Variants in FSD1L observed in about 807,000 individuals in gnomAD.
The protein encoded by FSD1L is FSD1-like protein.
In FSD1L, 45 loss-of-function variants were observed where a neutral mutation model predicts 71.6. The ratio of observed to expected loss-of-function variants is 0.63; its 90% confidence interval spans 0.49 to 0.81. The LOEUF (loss-of-function observed/expected upper bound fraction) is 0.81. Among genes scored for constraint, FSD1L ranks in the 30% least tolerant of loss-of-function variants. The pLI is 0.00. For missense variants in FSD1L, 561 were observed against 618.1 expected (o/e 0.91, Z 0.98); for synonymous variants, 197 against 207.2 (o/e 0.95, Z 0.42).
chr9:105,470,608 T>C (rs1279329690), intron 4 of FSD1L, among the ~76,000 whole-genome samples: 1 of 152,128 alleles, frequency 6.6e-6, no homozygotes, highest in African/African-American at 2.4e-5. Flanking sequence ...TATAGATATC[T>C]TTGAGCACCT....
rs74616333 is a variant in FSD1L, at chr9:105,475,746, C to T, written c.442-3608C>T. 4.7e-3 allele frequency among the ~76,000 whole-genome samples: 711 copies of T among 152,232 alleles called. 8 individuals carry two copies. The highest frequency in any genetic ancestry group is 0.042 in the East Asian group (218 of 5,180). On this transcript the variant is annotated intron_variant, in intron 5 of 13. Transcript: ENST00000481272. ...AATATGCCTAATCATAAAACAGTTG[C>T]GGACAGTACTGTATTTCAAAGTGTA... is the stretch of plus-strand genomic sequence containing the variant.
intron 10 of FSD1L, among the ~76,000 whole-genome samples, chr9:105,517,208 C>T (rs925236189): frequency 6.6e-6 from 1 of 152,102 alleles, no homozygotes. Context: ...GATTGGTGTA[C>T]CTGAAAGTGA....
Position 105,524,355 on chromosome 9 carries a change from A to G in FSD1L, c.1026-10138A>G, listed in dbSNP as rs577365235. 87 of 1,613,970 alleles carry G rather than the reference A, an allele frequency of 5.4e-5. No homozygotes were observed. The Middle Eastern group carries it at 6.7e-4, about 12-fold the overall frequency. ...GAAAATTATTCAGATCCTAATAGCT[A>G]CCATCACCCATCTTTTACCAAGTAC... On this transcript the variant is annotated intron_variant, in intron 10 of 13. Transcript: ENST00000481272.
At chr9:105,450,333 G>A (rs1287443140) in intron 1 of FSD1L, among the ~76,000 whole-genome samples, 1 of 152,172 alleles carries the variant, frequency 6.6e-6, no homozygotes, top group Non-Finnish European at 1.5e-5. Context: ...AGGAAGGCCT[G>A]AATATATACC....
chr9:105,451,201 C>T (rs1442010640), intron 1 of FSD1L, among the ~76,000 whole-genome samples: 2 of 152,224 alleles, frequency 1.3e-5, no homozygotes, highest in Admixed American at 1.3e-4. Context: ...CCCCGTGATC[C>T]GCCCGCCTCG....
chr9:105,530,592 T>C, intron 10 of FSD1L: 2 of 693,306 alleles, frequency 2.9e-6, no homozygotes, highest in Non-Finnish European at 5.2e-6. Context: ...TTTTTCTCTT[T>C]ATTTGTATGA....
intron 9 of FSD1L, among the ~76,000 whole-genome samples, chr9:105,510,848 G>A (rs1834349645): frequency 6.6e-6 from 1 of 152,006 alleles, no homozygotes; most frequent in South Asian, 2.1e-4. Context: ...GCAGCCACTC[G>A]CACAAGTTAA....
chr9:105,450,648 C>T lies in FSD1L; in HGVS notation c.15+2413C>T, dbSNP rs146333928. Among the ~76,000 whole-genome samples the T allele has an allele frequency of 2.6e-5, 4 of 152,012 alleles. No individual in the cohort carries two copies. The East Asian group carries it at 5.8e-4, about 22-fold the overall frequency. ...TCCTGGGTTGAAGAGATTCTCCTGC[C>T]TCAGCCTCCTGAGTAGCTGGGATTA... On this transcript the variant is annotated intron_variant, in intron 1 of 13. Coordinates refer to ENST00000481272, the MANE Select transcript of FSD1L (RefSeq NM_001145313.3).
chr9:105,446,746 A>T (rs1829660688), upstream of FSD1L, among the ~76,000 whole-genome samples: 1 of 145,464 alleles, frequency 6.9e-6, no homozygotes, highest in Non-Finnish European at 1.5e-5. Context: ...TCTATACTAG[A>T]TTGTAAGCTC....
At chr9:105,500,286 G>A (rs1366121375) in intron 7 of FSD1L, among the ~76,000 whole-genome samples, 3 of 152,218 alleles carry the variant, frequency 2.0e-5, no homozygotes, top group Non-Finnish European at 4.4e-5. Context: ...TGTGGGAGGG[G>A]CAGCATTCTG....
At chr9:105,517,727 C>T (rs904946567) in intron 10 of FSD1L, among the ~76,000 whole-genome samples, 2 of 152,130 alleles carry the variant, frequency 1.3e-5, no homozygotes, top group Non-Finnish European at 1.5e-5. Context: ...TAAAGACTAT[C>T]GACACTATGA....
intron 1 of FSD1L, among the ~76,000 whole-genome samples, chr9:105,458,955 C>A (rs965599087): frequency 2.6e-5 from 4 of 152,226 alleles, no homozygotes; most frequent in African/African-American, 9.6e-5. Flanking sequence ...GAGGGATAGA[C>A]TGGGGTAGAA....
chr9:105,494,414 C>T (rs1022807932), intron 7 of FSD1L, among the ~76,000 whole-genome samples: 14 of 152,020 alleles, frequency 9.2e-5, no homozygotes, highest in African/African-American at 3.4e-4. Context: ...AAATTTTTTT[C>T]AAAGTTTTCA....
chr9:105,532,017 A>C (rs999743515), intron 10 of FSD1L, among the ~76,000 whole-genome samples: 1 of 152,190 alleles, frequency 6.6e-6, no homozygotes, highest in African/African-American at 2.4e-5. Flanking sequence ...CAAAAAGAGA[A>C]AAGTATAGCT....
Position 105,471,886 on chromosome 9 carries a change from T to TTC in FSD1L, c.340-17_340-16insCT. 9.7e-7 allele frequency: 1 copy of TTC among 1,035,688 alleles called. No homozygotes were observed. The highest frequency in any genetic ancestry group is 1.3e-6 in the Non-Finnish European group (1 of 755,118). The allele number at this position is 1,035,688 out of a possible 1,614,324, so 64.2% of individuals were successfully genotyped here. On this transcript the variant is annotated splice_polypyrimidine_tract_variant and intron_variant, in intron 4 of 13. Transcript: ENST00000481272. The stretch of plus-strand genomic sequence containing the variant: ...AAACTTCATTTTAATGACTTAGTTT[T>TTC]TTTTTTTTTTTCCCTAGAGTCAGAT...
At chr9:105,478,189 G>C (rs1831938340) in intron 5 of FSD1L, among the ~76,000 whole-genome samples, 1 of 152,168 alleles carries the variant, frequency 6.6e-6, no homozygotes, top group Non-Finnish European at 1.5e-5. Context: ...AGCTTGCAGT[G>C]AGCCAAGATC....
chr9:105,483,637 C>T (rs1435636099), intron 6 of FSD1L, among the ~76,000 whole-genome samples: 1 of 152,124 alleles, frequency 6.6e-6, no homozygotes, highest in East Asian at 1.9e-4. Flanking sequence ...ACTACAGATT[C>T]TCTGTACTTT....
At chr9:105,499,181 C>T (rs1238355520) in intron 7 of FSD1L, among the ~76,000 whole-genome samples, 1 of 152,096 alleles carries the variant, frequency 6.6e-6, no homozygotes, top group African/African-American at 2.4e-5. Flanking sequence ...TGAGTTCAAC[C>T]ATGTACTTAG....
chr9:105,457,371 A>C (rs1369604778), intron 1 of FSD1L, among the ~76,000 whole-genome samples: 1 of 152,214 alleles, frequency 6.6e-6, no homozygotes, highest in Non-Finnish European at 1.5e-5. Context: ...TTTCAGTTTT[A>C]TCCAAGGTAC....
Sources: allele counts gnomAD v4.1 joint callset (sites outside exome capture counted in the v4.1 genomes callset), GRCh38; gene constraint gnomAD v4.1.1; transcripts MANE v1.5; gene names NCBI Gene and HGNC (gene_info 2026-07-23, HGNC 2026-07-21).